The following LRRC20 variants were observed in gnomAD, a reference collection of about 807,000 sequenced individuals.
The protein encoded by LRRC20 is leucine-rich repeat-containing protein 20.
A neutral mutation model predicts 14.4 loss-of-function variants in LRRC20; 11 were observed. That is an observed-to-expected ratio of 0.77 (90% CI 0.48 to 1.27). The LOEUF is 1.27. Ranked by LOEUF, LRRC20 falls within the 50% of genes most tolerant of loss-of-function variation. LRRC20 has a pLI of 0.00. For missense variants in LRRC20, 219 were observed against 251.2 expected, an observed-to-expected ratio of 0.87 and a Z score of 0.87; for synonymous variants, 121 against 107.3, an observed-to-expected ratio of 1.13 and a Z score of -0.79.
intron 3 of LRRC20, among the ~76,000 whole-genome samples, chr10:70,337,680 T>C (rs1156303076): frequency 6.6e-6 from 1 of 152,160 alleles, no homozygotes; most frequent in South Asian, 2.1e-4. Flanking sequence ...GCCCTTCCCA[T>C]GCCACTCTCA....
intron 2 of LRRC20, among the ~76,000 whole-genome samples, chr10:70,349,970 G>C (rs1021638966): frequency 3.9e-5 from 6 of 152,184 alleles, no homozygotes; most frequent in Middle Eastern, 3.2e-3. Context: ...AGGAGAGAGG[G>C]AAGGGAACCC....
chr10:70,371,238 G>GCAAT (rs1012109675), intron 2 of LRRC20, among the ~76,000 whole-genome samples: 1 of 151,924 alleles, frequency 6.6e-6, no homozygotes, highest in African/African-American at 2.4e-5. Context: ...CAGGACTCAT[G>GCAAT]CAATCCTCTC....
rs55985808 is a variant in LRRC20, at chr10:70,376,404, C to T, written c.82+48G>A. 7 of 1,579,268 alleles carry T rather than the reference C, an allele frequency of 4.4e-6. No individual in the cohort carries two copies. The Admixed American group carries it at 6.7e-5, about 15-fold the overall frequency. On this transcript the variant is annotated intron_variant, in intron 2 of 4. Coordinates refer to ENST00000446961, the MANE Select transcript of LRRC20 (RefSeq NM_001278212.2). ...ATCTCTGTTTCATTTCTAAGCTGAT[C>T]TCACAACTGCTTCCAGGGAAGTTGG... is the stretch of plus-strand genomic sequence containing the variant.
At chr10:70,315,805 C>G (rs370930854) in intron 4 of LRRC20, among the ~76,000 whole-genome samples, 1 of 152,182 alleles carries the variant, frequency 6.6e-6, no homozygotes, top group East Asian at 1.9e-4. Flanking sequence ...TTCCAAATTC[C>G]TTGGGGTGAT....
At chr10:70,315,231 C>T (rs905508693) in intron 4 of LRRC20, among the ~76,000 whole-genome samples, 4 of 152,162 alleles carry the variant, frequency 2.6e-5, no homozygotes, top group Non-Finnish European at 5.9e-5. Flanking sequence ...TGTGTTTGTT[C>T]TATTTGTGTC....
intron 3 of LRRC20, among the ~76,000 whole-genome samples, chr10:70,337,982 T>A (rs1168272836): frequency 6.6e-6 from 1 of 152,120 alleles, no homozygotes; most frequent in East Asian, 1.9e-4. Flanking sequence ...AATCATTCTA[T>A]CCTCCTCGGG....
intron 2 of LRRC20, among the ~76,000 whole-genome samples, chr10:70,373,167 T>C (rs941076360): frequency 2.0e-5 from 3 of 152,332 alleles, no homozygotes; most frequent in East Asian, 3.9e-4. Flanking sequence ...TTTCTGGTGC[T>C]AGATGTTTAG....
chr10:70,315,424 T>G (rs1025974936), intron 4 of LRRC20, among the ~76,000 whole-genome samples: 1 of 152,220 alleles, frequency 6.6e-6, no homozygotes, highest in East Asian at 1.9e-4. Flanking sequence ...TGGGCTGCAC[T>G]TTGGCCCACT....
chr10:70,306,829 A>G (rs572536768), intron 4 of LRRC20, among the ~76,000 whole-genome samples: 1 of 152,208 alleles, frequency 6.6e-6, no homozygotes, highest in South Asian at 2.1e-4. Flanking sequence ...TGGCTGCAAA[A>G]TGATTTCCTA....
intron 4 of LRRC20, among the ~76,000 whole-genome samples, chr10:70,310,084 T>A (rs1841596169): frequency 6.6e-6 from 1 of 152,188 alleles, no homozygotes; most frequent in Admixed American, 6.5e-5. Flanking sequence ...CAAAAGTCAT[T>A]TGAGCAGCTT....
chr10:70,324,469 C>T (rs1172751454), intron 3 of LRRC20, among the ~76,000 whole-genome samples: 1 of 152,250 alleles, frequency 6.6e-6, no homozygotes, highest in Non-Finnish European at 1.5e-5. Flanking sequence ...CAAGGAGCCA[C>T]CAGGGGCAGC....
intron 4 of LRRC20, among the ~76,000 whole-genome samples, chr10:70,319,753 T>G (rs1170165810): frequency 6.6e-6 from 1 of 152,366 alleles, no homozygotes; most frequent in Non-Finnish European, 1.5e-5. Context: ...CACTTTCTGA[T>G]TTGAAAAATA....
intron 1 of LRRC20, among the ~76,000 whole-genome samples, chr10:70,380,134 T>G (rs564585686): frequency 6.6e-6 from 1 of 152,192 alleles, no homozygotes; most frequent in East Asian, 1.9e-4. Context: ...CTAGTCAGAT[T>G]AAAAATTTCA....
chr10:70,368,389 C>A (rs1241389291), intron 2 of LRRC20, among the ~76,000 whole-genome samples: 7 of 151,800 alleles, frequency 4.6e-5, no homozygotes, highest in African/African-American at 1.7e-4. Context: ...GATCTCCTGA[C>A]CTCGTGATCC....
chr10:70,305,195 T>C (rs1472983052), intron 4 of LRRC20, among the ~76,000 whole-genome samples: 2 of 152,012 alleles, frequency 1.3e-5, no homozygotes, highest in Non-Finnish European at 2.9e-5. Context: ...AATAAATAAA[T>C]AATAAAAAGG....
intron 2 of LRRC20, among the ~76,000 whole-genome samples, chr10:70,375,359 A>G (rs1308539586): frequency 6.6e-6 from 1 of 152,128 alleles, no homozygotes; most frequent in Non-Finnish European, 1.5e-5. Context: ...ACAGATGCTG[A>G]AGGGGTGCTA....
intron 3 of LRRC20, among the ~76,000 whole-genome samples, chr10:70,335,229 C>A (rs1842686206): frequency 6.6e-6 from 1 of 152,240 alleles, no homozygotes; most frequent in Non-Finnish European, 1.5e-5. Flanking sequence ...CCCCAGGGAA[C>A]TTCTCAACTC....
intron 4 of LRRC20, among the ~76,000 whole-genome samples, chr10:70,304,931 T>C (rs1455027713): frequency 2.0e-5 from 3 of 152,162 alleles, no homozygotes; most frequent in Non-Finnish European, 4.4e-5. Flanking sequence ...ACACCGGTAA[T>C]CCCAGCACTT....
chr10:70,301,607 G>A (rs1841188005), intron 4 of LRRC20, 99 bp from the exon 5 acceptor site: 4 of 1,418,938 alleles, frequency 2.8e-6, no homozygotes, highest in Non-Finnish European at 2.9e-6. Flanking sequence ...GATGGTGAGG[G>A]GCAGCTCTCC....
Sources: allele counts gnomAD v4.1 joint callset (sites outside exome capture counted in the v4.1 genomes callset), GRCh38; gene constraint gnomAD v4.1.1; transcripts MANE v1.5; gene names NCBI Gene and HGNC (gene_info 2026-07-23, HGNC 2026-07-21).